Variants in TAFA2 observed in about 807,000 individuals in gnomAD.
TAFA2 encodes the protein chemokine-like protein TAFA-2.
TAFA2 carries 7 observed loss-of-function variants against 18.8 expected under a neutral mutation model. The observed-to-expected ratio is 0.37, with a 90% confidence interval of 0.21 to 0.70. The LOEUF is 0.70. Among genes scored for constraint, TAFA2 ranks in the 30% least tolerant of loss-of-function variants. The probability of loss-of-function intolerance (pLI) is 0.53; values close to 1 mark genes in which losing one functional copy is unlikely to be tolerated. For synonymous variants in TAFA2, 60 were observed against 54.2 expected, an observed-to-expected ratio of 1.11 and a Z score of -0.47; for missense variants, 122 against 158.1, an observed-to-expected ratio of 0.77 and a Z score of 1.23.
At chr12:62,111,295 T>G (rs894665482) in intron 1 of TAFA2, among the ~76,000 whole-genome samples, 3 of 152,218 alleles carry the variant, frequency 2.0e-5, no homozygotes, top group Non-Finnish European at 4.4e-5. Flanking sequence ...AGTTGTGCAG[T>G]TTTGACTGAG....
At chr12:61,986,613 T>C (rs1040315118) in intron 1 of TAFA2, among the ~76,000 whole-genome samples, 9 of 151,470 alleles carry the variant, frequency 5.9e-5, no homozygotes, top group Non-Finnish European at 1.0e-4. Flanking sequence ...CGATCTAAGT[T>C]CTAAGAAAAA....
intron 1 of TAFA2, among the ~76,000 whole-genome samples, chr12:62,065,484 G>GA (rs1379609584): frequency 1.3e-5 from 2 of 151,928 alleles, no homozygotes; most frequent in African/African-American, 4.8e-5. Context: ...AAACAATGTT[G>GA]AAAAAATGTG....
At chr12:61,951,951 T>A (rs1486004128) in intron 1 of TAFA2, among the ~76,000 whole-genome samples, 2 of 152,000 alleles carry the variant, frequency 1.3e-5, no homozygotes, top group East Asian at 3.9e-4. Flanking sequence ...CACGAAGCAT[T>A]TTAAACAATG....
At chr12:62,116,675 G>T (rs1164409763) in intron 1 of TAFA2, among the ~76,000 whole-genome samples, 1 of 152,080 alleles carries the variant, frequency 6.6e-6, no homozygotes, top group African/African-American at 2.4e-5. Flanking sequence ...AGGCTTTACT[G>T]TTGTGTCCCA....
intron 2 of TAFA2, among the ~76,000 whole-genome samples, chr12:61,755,759 T>A (rs1027615452): frequency 3.3e-5 from 5 of 152,106 alleles, no homozygotes; most frequent in Non-Finnish European, 5.9e-5. Context: ...CAACCTTGAA[T>A]AAGGACACTA....
intron 1 of TAFA2, among the ~76,000 whole-genome samples, chr12:61,922,553 C>T (rs531305503): frequency 5.3e-5 from 8 of 152,304 alleles, no homozygotes; most frequent in South Asian, 4.1e-4. Context: ...CTGTGAGGGA[C>T]GGTGCTATCC....
At chr12:61,712,240 C>A (rs10877721) in intron 4 of TAFA2, among the ~76,000 whole-genome samples, 64,073 of 151,856 alleles carry the variant, frequency 0.42, 13,621 homozygotes, top group Non-Finnish European at 0.44. Context: ...TGATCCACTT[C>A]AAGCTCAGGT....
At chr12:62,246,061 A>C (rs569461860) in intron 1 of TAFA2, among the ~76,000 whole-genome samples, 93 of 149,606 alleles carry the variant, frequency 6.2e-4, no homozygotes, top group African/African-American at 2.3e-3. Context: ...ATCTCAGCTC[A>C]CTGCAAGCTC....
chr12:61,830,200 G>T (rs1872666837), intron 2 of TAFA2, among the ~76,000 whole-genome samples: 1 of 149,544 alleles, frequency 6.7e-6, no homozygotes, highest in African/African-American at 2.4e-5. Flanking sequence ...ATATGTATAT[G>T]GTATGTATAT....
In TAFA2 at chr12:61,812,499, C is replaced by T. The variant is rs73308211; in HGVS notation, c.106+54821G>A. On this transcript the variant is annotated intron_variant, in intron 2 of 4. Coordinates refer to ENST00000416284, the MANE Select transcript of TAFA2 (RefSeq NM_178539.5). ...AACTCACTCCTGAGGAAGCTAGTGA[C>T]CTAGGACAACCTAAGACCCCCAAAC... 1.7e-3 allele frequency among the ~76,000 whole-genome samples: 261 copies of T among 151,344 alleles called. 11 individuals carry two copies. Among genetic ancestry groups the T allele is most frequent in the African/African-American group, 6.4e-3 (260 of 40,704 alleles).
intron 1 of TAFA2, among the ~76,000 whole-genome samples, chr12:62,116,626 T>G (rs1453383157): frequency 6.8e-6 from 1 of 146,212 alleles, no homozygotes; most frequent in Non-Finnish European, 1.5e-5. Context: ...TTTTGGGTCT[T>G]TGCTGCTTTC....
At chr12:61,774,189 T>A (rs1420839133) in intron 2 of TAFA2, among the ~76,000 whole-genome samples, 1 of 151,776 alleles carries the variant, frequency 6.6e-6, no homozygotes, top group Non-Finnish European at 1.5e-5. Context: ...TATGTTGGCC[T>A]GAATGTGGTG....
rs113839228 is a variant in TAFA2, at chr12:62,173,258, C to T, written c.-2+18001G>A. Among the ~76,000 whole-genome samples, 236 of 151,992 alleles carry T rather than the reference C, an allele frequency of 1.6e-3. 1 individual carries two copies. The highest frequency in any genetic ancestry group is 5.5e-3 in the African/African-American group (230 of 41,474). ...TGAAACCCTGTCTCTACTAAAAATACGAAAAAAATTAGCTGCACGTCGTGC... is the reference window on the plus strand; with the variant it reads ...TGAAACCCTGTCTCTACTAAAAATATGAAAAAAATTAGCTGCACGTCGTGC... On this transcript the variant is annotated intron_variant, in intron 1 of 4. Transcript: ENST00000416284.
chr12:62,185,841 T>C (rs1385643631), intron 1 of TAFA2, among the ~76,000 whole-genome samples: 1 of 152,206 alleles, frequency 6.6e-6, no homozygotes, highest in African/African-American at 2.4e-5. Context: ...TCTCAAAGAA[T>C]ATATTTTAAT....
rs190445216 is a variant in TAFA2 at position 61,819,429 on chromosome 12, T to G, written c.106+47891A>C. On this transcript the variant is annotated intron_variant, in intron 2 of 4. Coordinates refer to ENST00000416284, the MANE Select transcript of TAFA2 (RefSeq NM_178539.5). ...TGTGAAGATAAGCAAATGTAATATC[T>G]TATAATCAGCTGAATTCCATATCCT... Among the ~76,000 whole-genome samples the G allele has an allele frequency of 2.4e-3, 358 of 152,314 alleles. 2 individuals carry two copies. The highest frequency in any genetic ancestry group is 8.1e-3 in the African/African-American group (336 of 41,578).
intron 1 of TAFA2, among the ~76,000 whole-genome samples, chr12:62,045,363 G>C (rs1435216710): frequency 1.3e-5 from 2 of 151,736 alleles, no homozygotes; most frequent in African/African-American, 4.9e-5. Context: ...CTTTTGGCTG[G>C]AACCTGACCA....
At chr12:61,760,964 T>C (rs575113370) in intron 2 of TAFA2, among the ~76,000 whole-genome samples, 1 of 151,832 alleles carries the variant, frequency 6.6e-6, no homozygotes, top group African/African-American at 2.4e-5. Context: ...AATGACAGCA[T>C]AGACATATAG....
At chr12:61,973,068 T>G (rs545475190) in intron 1 of TAFA2, among the ~76,000 whole-genome samples, 1 of 151,678 alleles carries the variant, frequency 6.6e-6, no homozygotes, top group Non-Finnish European at 1.5e-5. Flanking sequence ...AACAGTATGT[T>G]TTTCCTTTTC....
chr12:62,081,310 A>G (rs976161940), intron 1 of TAFA2, among the ~76,000 whole-genome samples: 2 of 152,184 alleles, frequency 1.3e-5, no homozygotes, highest in Non-Finnish European at 2.9e-5. Context: ...CACATTCGTT[A>G]TTTAAAAAAC....
Sources: gnomAD v4.1 joint callset for allele counts (sites outside exome capture counted in the v4.1 genomes callset) on GRCh38, gnomAD v4.1.1 for gene constraint, MANE v1.5 for transcripts, NCBI Gene and HGNC (gene_info 2026-07-23, HGNC 2026-07-21) for gene names.